The following WDR87 variants were observed in gnomAD, a reference collection of about 807,000 sequenced individuals.
The protein encoded by WDR87 is WD repeat-containing protein 87.
In WDR87, 56 loss-of-function variants were observed where a neutral mutation model predicts 83.3. The observed-to-expected ratio is 0.67, with a 90% CI of 0.54 to 0.84. WDR87 has a LOEUF of 0.84. WDR87 is among the 40% of genes least tolerant of loss of function. The pLI, the probability that WDR87 is intolerant of heterozygous loss-of-function variation, is 0.00. For synonymous variants in WDR87, 1,173 were observed against 1,250.6 expected (o/e 0.94, Z 1.31); for missense variants, 2,939 against 3,431.9 (o/e 0.86, Z 3.59).
Position 37,894,131 on chromosome 19 carries a change from CAG to C in WDR87, c.1570_1571del (p.Leu524AlafsTer8), listed in dbSNP as rs1216399770. ...AGTCATCCATTCCATAGGAACAGAG[CAG>C]AGAGTTTCCTTGGCCACCAAAAATC... ...GGIFGGQGNSLLCSYGMDDYV... is the reference protein window; with the variant it reads ...GGIFGGQGNSXLCSYGMDDYV... On this transcript the variant is annotated frameshift_variant, in exon 4 of 6. Transcript: ENST00000447313. LOFTEE classifies it high-confidence loss of function. The C allele has an allele frequency of 1.3e-6, 2 of 1,552,364 alleles. No individual in the cohort carries two copies. Among genetic ancestry groups the C allele is most frequent in the African/African-American group, 1.4e-5 (1 of 73,170 alleles).
rs1207825829 is a variant in WDR87 at position 37,898,286 on chromosome 19, C to G, written c.-46-1G>C. The stretch of plus-strand genomic sequence containing the variant: ...CTCCTGAGGACTGTTGCTTAAAAAC[C>G]TGTGGGAATCCAAAAGAGCCCAGCT... On this transcript the variant is annotated splice_acceptor_variant, in intron 1 of 5. Coordinates refer to ENST00000447313, the MANE Select transcript of WDR87 (RefSeq NM_001291088.2). LOFTEE classifies it low-confidence loss of function (5UTR_SPLICE). 1.9e-6 allele frequency: 3 copies of G among 1,539,326 alleles called. No homozygotes were observed. Among genetic ancestry groups the G allele is most frequent in the Non-Finnish European group, 2.6e-6 (3 of 1,142,706 alleles).
At chr19:37,898,350 GCAA>G in intron 1 of WDR87, 65 bp from the exon 2 acceptor site, 4 of 1,488,104 alleles carry the variant, frequency 2.7e-6, no homozygotes, top group Non-Finnish European at 3.6e-6. Context: ...GAATCAGAAA[GCAA>G]CAACAATGAA....
Position 37,884,954 on chromosome 19 carries a change from T to C in WDR87, c.8717A>G (p.His2906Arg). Residue 2906 changes from histidine (H) to arginine (R), a missense_variant, in exon 6 of 6, where the codon CAC (histidine) becomes CGC (arginine). Physicochemically the swap from His to Arg is conservative, Grantham distance 29 (BLOSUM62 0). This residue lies in a region of WDR87 where 2,160 missense variants were observed against 2,533.1 expected (regional missense o/e 0.85). Transcript: ENST00000447313. ...AAATTAGAGAGTGGGAGCAACGGTG[T>C]GTGTCAGTGCCTTGGTGAGATGAAG... is the stretch of plus-strand genomic sequence containing the variant. ...ADLHLTKALT[H>R]TVAPTL The C allele has an allele frequency of 7.5e-7, 1 of 1,332,774 alleles. No individual in the cohort carries two copies. The highest frequency in any genetic ancestry group is 9.7e-7 in the Non-Finnish European group (1 of 1,035,864). 82.6% of individuals were successfully genotyped at this position (1,332,774 alleles called of 1,614,324 possible). A position where few individuals can be genotyped will look rare whatever the true frequency, so the allele number is the denominator to read the frequency against.
rs1016542860 is a variant in WDR87 at position 37,893,600 on chromosome 19, A to C, written c.2103T>G (p.Pro701=). 5 of 1,551,914 alleles carry C rather than the reference A, an allele frequency of 3.2e-6. No homozygotes were observed. The highest frequency in any genetic ancestry group is 4.4e-6 in the Non-Finnish European group (5 of 1,147,076). The stretch of plus-strand genomic sequence containing the variant: ...AGGAGAAGAAGAAGCTTGGTATGAA[A>C]GGCTTAGGGACTTCCAGTACTTCAT... ...ISDEVLEVPK[P]FIPSFFFSFE... The change falls in exon 4 of 6, where the codon CCT becomes CCG. Residue 701 remains proline (P), a synonymous_variant. Coordinates refer to ENST00000447313, the MANE Select transcript of WDR87 (RefSeq NM_001291088.2).
At chr19:37,900,327 C>T (rs1004746464) in intron 1 of WDR87, among the ~76,000 whole-genome samples, 2 of 151,802 alleles carry the variant, frequency 1.3e-5, no homozygotes, top group African/African-American at 2.4e-5. Context: ...TTTAAGAGGC[C>T]GAGGTGGGTG....
chr19:37,899,106 G>A (rs185926743), intron 1 of WDR87, among the ~76,000 whole-genome samples: 6 of 152,084 alleles, frequency 3.9e-5, no homozygotes, highest in African/African-American at 1.2e-4. Context: ...GTTTTGTTTT[G>A]TTTTGTTTTG....
In WDR87 at chr19:37,889,696, G is replaced by T; in HGVS notation, c.3975C>A (p.Leu1325=). 1 of 1,551,724 alleles carries T rather than the reference G, an allele frequency of 6.4e-7. No homozygotes were observed. Among genetic ancestry groups the T allele is most frequent in the Non-Finnish European group, 8.7e-7 (1 of 1,147,008 alleles). Residue 1325 remains leucine (L), a synonymous_variant, in exon 6 of 6, where the codon CTC becomes CTA. Coordinates refer to ENST00000447313, the MANE Select transcript of WDR87 (RefSeq NM_001291088.2). Reference sequence around the variant, plus strand: ...TCAATAGGGGGCAGATCTCCTGAAAGAGTTCCCAGCTGGGGTGCCTATCTA... The same window carrying T: ...TCAATAGGGGGCAGATCTCCTGAAATAGTTCCCAGCTGGGGTGCCTATCTA... ...MLVDRHPSWE[L]FQEICPLLKK...
chr19:37,897,936 G>T (rs1233673495), intron 2 of WDR87, among the ~76,000 whole-genome samples: 1 of 152,214 alleles, frequency 6.6e-6, no homozygotes, highest in Middle Eastern at 3.4e-3. Flanking sequence ...CAGAAGGTCA[G>T]TTCCTCTTAC....
chr19:37,902,819 C>T (rs1276025006), intron 1 of WDR87, among the ~76,000 whole-genome samples: 1 of 152,096 alleles, frequency 6.6e-6, no homozygotes, highest in Non-Finnish European at 1.5e-5. Flanking sequence ...CCCTGGGCTC[C>T]CTTTGGCTCA....
At chr19:37,905,066 T>C (rs1433027503) in intron 1 of WDR87, among the ~76,000 whole-genome samples, 2 of 151,760 alleles carry the variant, frequency 1.3e-5, no homozygotes, top group Non-Finnish European at 1.5e-5. Flanking sequence ...ACCCAGTCTC[T>C]ACTAAAAATA....
At chr19:37,891,930 A>T in intron 4 of WDR87, 110 bp from the exon 5 acceptor site, 1 of 1,312,322 alleles carries the variant, frequency 7.6e-7, no homozygotes, top group Non-Finnish European at 1.0e-6. Context: ...AGTGGCCAAG[A>T]GAGATGGCAT....
rs766720207 is a variant in WDR87 at position 37,886,784 on chromosome 19, C to A, written c.6887G>T (p.Arg2296Met). The A allele has an allele frequency of 6.5e-7, 1 of 1,540,570 alleles. No homozygotes were observed. ...EEEEREEEEE[R>M]EEEEEREEEE... ...CTCCTCCCTTTCCTCCTCCTCCTCCCTTTCCTCTTCTTCCTCCCTTTCCTC... is the reference window on the plus strand; with the variant it reads ...CTCCTCCCTTTCCTCCTCCTCCTCCATTTCCTCTTCTTCCTCCCTTTCCTC... Residue 2296 changes from arginine (R) to methionine (M), a missense_variant, in exon 6 of 6, where the codon AGG becomes ATG. Arg to Met is a moderately conservative substitution (Grantham distance 91). Transcript: ENST00000447313.
At position 37,885,574 on chromosome 19, in the gene WDR87, C is replaced by T. The variant is rs960678220; in HGVS notation, c.8097G>A (p.Glu2699=). 7.4e-5 allele frequency: 115 copies of T among 1,551,624 alleles called. No individual in the cohort carries two copies. The highest frequency in any genetic ancestry group is 9.5e-5 in the Non-Finnish European group (109 of 1,147,010). The change falls in exon 6 of 6, where the codon GAG becomes GAA. Residue 2699 remains glutamate (E), a synonymous_variant. Transcript: ENST00000447313. The part of the protein sequence containing the change: ...RAQQISIAHK[E]MEMQYFYPAT... ...CAGGATAAAAGTATTGCATTTCCAT[C>T]TCCTTGTGAGCAATGGATATCTGCT...
In WDR87 at chr19:37,885,322, T is replaced by C. The variant is rs2046133694; in HGVS notation, c.8349A>G (p.Pro2783=). 4 of 1,551,536 alleles carry C rather than the reference T, an allele frequency of 2.6e-6. No homozygotes were observed. The highest frequency in any genetic ancestry group is 1.4e-5 in the African/African-American group (1 of 73,138). The stretch of plus-strand genomic sequence containing the variant: ...GTTCCATCCAAGCAGTGCTGTCTTT[T>C]GGATATCGCTGCTGCAGCATCCGCA... The part of the protein sequence containing the change: ...HVLRMLQQRY[P]KDSTAWMEQF... The change falls in exon 6 of 6, where the codon CCA becomes CCG. Residue 2783 remains proline (P), a synonymous_variant. Coordinates refer to ENST00000447313, the MANE Select transcript of WDR87 (RefSeq NM_001291088.2).
Position 37,902,388 on chromosome 19 carries a change from A to AT in WDR87, c.-46-4104dup, listed in dbSNP as rs1023961101. On this transcript the variant is annotated intron_variant, in intron 1 of 5. Coordinates refer to ENST00000447313, the MANE Select transcript of WDR87 (RefSeq NM_001291088.2). ...CACCACCATGCCCAGCTAATTTTGT[A>AT]TTTTTTTTTAGTAGAGATGGGGTTT... Among the ~76,000 whole-genome samples the AT allele has an allele frequency of 3.9e-4, 59 of 149,664 alleles. 1 individual carries two copies. The highest frequency in any genetic ancestry group is 1.3e-3 in the Admixed American group (19 of 15,004).
Position 37,900,989 on chromosome 19 carries a change from A to T in WDR87, c.-46-2704T>A, listed in dbSNP as rs79558458. ...AAAAAAAAAAAAAAAAAAAAAAAAA[A>T]TTAGCCAGGCGTGGTGGCATGTGCC... On this transcript the variant is annotated intron_variant, in intron 1 of 5. Coordinates refer to ENST00000447313, the MANE Select transcript of WDR87 (RefSeq NM_001291088.2). Among the ~76,000 whole-genome samples the T allele has an allele frequency of 1.0e-4, 15 of 148,124 alleles. No homozygotes were observed. The East Asian group carries it at 2.8e-3, about 28-fold the overall frequency.
Position 37,889,149 on chromosome 19 carries a change from G to A in WDR87, c.4522C>T (p.Gln1508Ter). ...DWKKAWDEWK[Q>*]VHGETRKSWK... ...GATTTCCTTGTCTCACCATGGACCT[G>A]TTTCCACTCATCCCAGGCCTTTTTC... Residue 1508 changes from glutamine (Q) to a stop codon, truncating the protein, a stop_gained, in exon 6 of 6, where the codon CAG (glutamine) becomes TAG (stop). Coordinates refer to ENST00000447313, the MANE Select transcript of WDR87 (RefSeq NM_001291088.2). LOFTEE classifies it low-confidence loss of function (END_TRUNC). 1.3e-6 allele frequency: 2 copies of A among 1,552,210 alleles called. No homozygotes were observed. The highest frequency in any genetic ancestry group is 1.7e-6 in the Non-Finnish European group (2 of 1,147,122).
rs1287056199 is a variant in WDR87, at chr19:37,890,001, C to T, written c.3670G>A (p.Ala1224Thr). The T allele has an allele frequency of 1.9e-6, 3 of 1,551,556 alleles. No individual in the cohort carries two copies. The Admixed American group carries it at 5.9e-5, about 30-fold the overall frequency. The change falls in exon 6 of 6, where the codon GCT (alanine) becomes ACT (threonine). Residue 1224 changes from alanine (A) to threonine (T), a missense_variant. Transcript: ENST00000447313. ...TTGTGCTTCTTTTTGAGTTTCTGAGCTGTTGCTTTCTTGTCTCTTTTGTCA... is the reference window on the plus strand; with the variant it reads ...TTGTGCTTCTTTTTGAGTTTCTGAGTTGTTGCTTTCTTGTCTCTTTTGTCA... ...IRDKRDKKAT[A>T]QKLKKKHKKK...
At chr19:37,901,551 A>G (rs532417901) in intron 1 of WDR87, among the ~76,000 whole-genome samples, 1 of 152,248 alleles carries the variant, frequency 6.6e-6, no homozygotes, top group South Asian at 2.1e-4. Context: ...ACAAATTTGC[A>G]GTCACTGCCA....
Sources: allele counts gnomAD v4.1 joint callset (sites outside exome capture counted in the v4.1 genomes callset), GRCh38; gene constraint gnomAD v4.1.1; regional missense constraint gnomAD v4.1.1; transcripts MANE v1.5; gene names NCBI Gene and HGNC (gene_info 2026-07-23, HGNC 2026-07-21).